The following CCSER1 variants were observed in gnomAD, a reference collection of about 807,000 sequenced individuals.
CCSER1 encodes coiled-coil serine rich protein 1, also known as serine-rich coiled-coil domain-containing protein 1.
A neutral mutation model predicts 82.0 loss-of-function variants in CCSER1; 41 were observed. The observed-to-expected ratio is 0.50, with a 90% confidence interval of 0.39 to 0.65. The LOEUF (loss-of-function observed/expected upper bound fraction) is 0.65, where lower values mean the gene tolerates loss of function less well. Ranked by LOEUF, CCSER1 falls within the 30% of genes least tolerant of loss-of-function variation. The pLI is 0.00. For synonymous variants in CCSER1, 414 were observed against 383.9 expected, an observed-to-expected ratio of 1.08 and a Z score of -0.92; for missense variants, 1,119 against 1,064.2, an observed-to-expected ratio of 1.05 and a Z score of -0.72.
intron 6 of CCSER1, among the ~76,000 whole-genome samples, chr4:90,695,343 A>C (rs1451916256): frequency 2.6e-5 from 4 of 151,948 alleles, no homozygotes; most frequent in African/African-American, 4.8e-5. Flanking sequence ...AATTAATGTA[A>C]AAACTAAATC....
chr4:90,360,030 G>A (rs1362296676), intron 3 of CCSER1, among the ~76,000 whole-genome samples: 3 of 148,314 alleles, frequency 2.0e-5, no homozygotes, highest in African/African-American at 7.3e-5. Flanking sequence ...GCGATTCCCT[G>A]CCTCAGCCTC....
At chr4:90,646,896 A>G (rs932591622) in intron 6 of CCSER1, among the ~76,000 whole-genome samples, 16 of 152,114 alleles carry the variant, frequency 1.1e-4, no homozygotes, top group African/African-American at 3.9e-4. Flanking sequence ...TAAATCTCGT[A>G]AAATATTTCC....
chr4:91,131,451 A>G (rs1018718297), intron 10 of CCSER1, among the ~76,000 whole-genome samples: 1 of 152,014 alleles, frequency 6.6e-6, no homozygotes, highest in East Asian at 1.9e-4. Context: ...AATCAGGCTA[A>G]ACATTTGTAG....
intron 5 of CCSER1, among the ~76,000 whole-genome samples, chr4:90,587,900 C>A (rs538993333): frequency 6.6e-6 from 1 of 152,282 alleles, no homozygotes; most frequent in East Asian, 1.9e-4. Flanking sequence ...CCACCATAAT[C>A]AAGTGAATAT....
chr4:90,748,370 C>A (rs1747912755), intron 7 of CCSER1, among the ~76,000 whole-genome samples: 1 of 150,202 alleles, frequency 6.7e-6, no homozygotes, highest in African/African-American at 2.4e-5. Context: ...ATGAACTCAT[C>A]ATTTTTTATG....
chr4:91,329,330 T>C (rs1746785263), intron 10 of CCSER1, among the ~76,000 whole-genome samples: 1 of 152,216 alleles, frequency 6.6e-6, no homozygotes, highest in Non-Finnish European at 1.5e-5. Flanking sequence ...ATGCTGTGTG[T>C]TAATTTTCTT....
At chr4:90,212,849 T>C (rs1359704806) in intron 1 of CCSER1, among the ~76,000 whole-genome samples, 1 of 152,124 alleles carries the variant, frequency 6.6e-6, no homozygotes, top group Non-Finnish European at 1.5e-5. Context: ...GGGAAGAATA[T>C]TTTAGGCAAA....
intron 7 of CCSER1, among the ~76,000 whole-genome samples, chr4:90,726,381 T>A (rs747226719): frequency 6.6e-6 from 1 of 151,960 alleles, no homozygotes; most frequent in African/African-American, 2.4e-5. Context: ...TATTCTTGAA[T>A]GTTAGATAAG....
rs116160670 is a variant in CCSER1 at position 90,725,986 on chromosome 4, A to T, written c.2010+1995A>T. ...ATTAGATTAATCCTCTTAACCTCTT[A>T]GCTTACTTTTCTAAGATACAGTGAT... On this transcript the variant is annotated intron_variant, in intron 7 of 10. Coordinates refer to ENST00000509176, the MANE Select transcript of CCSER1 (RefSeq NM_001145065.2). Among the ~76,000 whole-genome samples, 289 of 152,022 alleles carry T rather than the reference A, an allele frequency of 1.9e-3. 4 individuals are homozygous for T. The highest frequency in any genetic ancestry group is 6.7e-3 in the African/African-American group (278 of 41,532).
chr4:90,619,428 A>G (rs372150660), intron 5 of CCSER1, among the ~76,000 whole-genome samples: 1 of 152,048 alleles, frequency 6.6e-6, no homozygotes, highest in African/African-American at 2.4e-5. Context: ...ATGAAGGGCT[A>G]AGGAGAAATA....
At chr4:91,040,658 G>A (rs1741883528) in intron 9 of CCSER1, among the ~76,000 whole-genome samples, 1 of 152,134 alleles carries the variant, frequency 6.6e-6, no homozygotes, top group Non-Finnish European at 1.5e-5. Context: ...ACAACTGATA[G>A]GCCAGTCCAG....
intron 4 of CCSER1, among the ~76,000 whole-genome samples, chr4:90,406,566 C>T (rs1753763309): frequency 6.6e-6 from 1 of 151,236 alleles, no homozygotes; most frequent in African/African-American, 2.5e-5. Context: ...ATGTTGTATT[C>T]ATCAGCACAT....
chr4:91,490,675 A>AT (rs1435867694), intron 10 of CCSER1, among the ~76,000 whole-genome samples: 1 of 150,848 alleles, frequency 6.6e-6, no homozygotes, highest in Non-Finnish European at 1.5e-5. Context: ...CAAGTATTTG[A>AT]TAGCACAACA....
intron 10 of CCSER1, among the ~76,000 whole-genome samples, chr4:91,095,278 G>C (rs1724393159): frequency 6.6e-6 from 1 of 152,160 alleles, no homozygotes; most frequent in Non-Finnish European, 1.5e-5. Flanking sequence ...TTTAGTTGGA[G>C]ACACTTATCT....
intron 1 of CCSER1, among the ~76,000 whole-genome samples, chr4:90,198,261 G>T (rs1464113868): frequency 6.6e-6 from 1 of 151,940 alleles, no homozygotes; most frequent in African/African-American, 2.4e-5. Context: ...CTAATCATAT[G>T]GCTGGTTCCC....
At chr4:90,382,276 A>T (rs17016974) in intron 3 of CCSER1, among the ~76,000 whole-genome samples, 53,164 of 151,832 alleles carry the variant, frequency 0.35, 9,652 homozygotes, top group South Asian at 0.44. Flanking sequence ...ATTTTAGATG[A>T]AATGAATATT....
chr4:90,718,412 T>C (rs1742046139), intron 6 of CCSER1, among the ~76,000 whole-genome samples: 1 of 152,202 alleles, frequency 6.6e-6, no homozygotes, highest in Admixed American at 6.5e-5. Context: ...AGGGGAGGCA[T>C]AATTAATGGA....
At chr4:90,450,277 G>A (rs1242434618) in intron 4 of CCSER1, among the ~76,000 whole-genome samples, 1 of 152,178 alleles carries the variant, frequency 6.6e-6, no homozygotes, top group Non-Finnish European at 1.5e-5. Context: ...AAAGTATCTA[G>A]TGCTGGAGAT....
chr4:91,057,085 C>G (rs888009681), intron 9 of CCSER1, among the ~76,000 whole-genome samples: 9 of 152,092 alleles, frequency 5.9e-5, no homozygotes, highest in Non-Finnish European at 1.3e-4. Flanking sequence ...TAAGAAGCAG[C>G]AATCAGCAAG....
Sources: allele counts gnomAD v4.1 joint callset (sites outside exome capture counted in the v4.1 genomes callset), GRCh38; gene constraint gnomAD v4.1.1; transcripts MANE v1.5; gene names NCBI Gene and HGNC (gene_info 2026-07-23, HGNC 2026-07-21).